Variants in SLC7A11 observed in about 807,000 individuals in gnomAD.
SLC7A11 encodes the protein cystine/glutamate transporter.
SLC7A11 carries 35 observed loss-of-function variants against 54.5 expected under a neutral mutation model. The ratio of observed to expected loss-of-function variants is 0.64; its 90% CI spans 0.49 to 0.85. The LOEUF is 0.85. SLC7A11 is among the 40% of genes least tolerant of loss of function. The pLI, the probability that SLC7A11 is intolerant of heterozygous loss-of-function variation, is 0.00. For synonymous variants in SLC7A11, 230 were observed against 225.2 expected, an observed-to-expected ratio of 1.02 and a Z score of -0.19; for missense variants, 583 against 618.1, an observed-to-expected ratio of 0.94 and a Z score of 0.60.
At chr4:138,179,430 T>C (rs766900261) in intron 10 of SLC7A11, 36 bp from the exon 11 acceptor site, 1 of 1,584,952 alleles carries the variant, frequency 6.3e-7, no homozygotes, top group South Asian at 1.1e-5. Context: ...ACTTCAAACA[T>C]GTTCAAGCAA....
intron 3 of SLC7A11, among the ~76,000 whole-genome samples, chr4:138,223,755 CAAG>C (rs1737874960): frequency 3.3e-5 from 5 of 152,136 alleles, no homozygotes; most frequent in Admixed American, 2.6e-4. Context: ...GGATCACACT[CAAG>C]AAGGAGCAAG....
intron 1 of SLC7A11, among the ~76,000 whole-genome samples, chr4:138,236,983 CTTTT>C (rs34896335): frequency 8.9e-6 from 1 of 111,916 alleles, no homozygotes. Context: ...TGCAAGATTT[CTTTT>C]TTTTTTTTTT....
At chr4:138,176,348 C>T (rs1047814389) in intron 11 of SLC7A11, 2 of 152,044 alleles carry the variant, frequency 1.3e-5, no homozygotes, top group African/African-American at 4.8e-5. Flanking sequence ...TTTTGAGAAC[C>T]AAATAACCAT....
At chr4:138,201,161 G>A (rs900384209) in intron 6 of SLC7A11, among the ~76,000 whole-genome samples, 7 of 152,028 alleles carry the variant, frequency 4.6e-5, no homozygotes, top group African/African-American at 1.4e-4. Flanking sequence ...ATATGGCTAT[G>A]TATTATAAGC....
intron 6 of SLC7A11, among the ~76,000 whole-genome samples, chr4:138,210,480 C>T (rs151292221): frequency 3.9e-5 from 6 of 151,902 alleles, no homozygotes; most frequent in Admixed American, 3.9e-4. Context: ...AAAGACATTA[C>T]TCACAAACTA....
rs374183432 is a variant in SLC7A11, at chr4:138,241,997, G to T, written c.73C>A (p.Pro25Thr). 7.6e-5 allele frequency: 123 copies of T among 1,614,188 alleles called. No homozygotes were observed. The highest frequency in any genetic ancestry group is 3.0e-4 in the South Asian group (27 of 91,084). The change falls in exon 1 of 12, where the codon CCT becomes ACT. Residue 25 changes from proline to threonine, a missense_variant. Coordinates refer to ENST00000280612, the MANE Select transcript of SLC7A11 (RefSeq NM_014331.4). The part of the protein sequence containing the change: ...YLQGNVNGRL[P>T]SLGNKEPPGQ... ...GGTGGCTCCTTGTTGCCCAGGGAAG[G>T]CAGCCTCCCGTTAACATTTCCCTGC...
At chr4:138,223,125 C>T in intron 4 of SLC7A11, 74 bp downstream of exon 4, 1 of 1,370,128 alleles carries the variant, frequency 7.3e-7, no homozygotes, top group African/African-American at 1.4e-5. Context: ...TCTGTTAGTA[C>T]AAGCAAAAGT....
At chr4:138,235,306 T>C (rs1332679340) in intron 2 of SLC7A11, among the ~76,000 whole-genome samples, 3 of 152,002 alleles carry the variant, frequency 2.0e-5, no homozygotes, top group African/African-American at 7.2e-5. Flanking sequence ...AGGAAAAAAA[T>C]ACTTATTATT....
At chr4:138,172,343 T>C (rs908797072) in intron 11 of SLC7A11, among the ~76,000 whole-genome samples, 1 of 152,204 alleles carries the variant, frequency 6.6e-6, no homozygotes, top group African/African-American at 2.4e-5. Flanking sequence ...ATACACTTTA[T>C]ATCAGTTTAA....
At chr4:138,235,187 G>A (rs1394635285) in intron 2 of SLC7A11, among the ~76,000 whole-genome samples, 1 of 151,852 alleles carries the variant, frequency 6.6e-6, no homozygotes, top group Non-Finnish European at 1.5e-5. Flanking sequence ...AGAATAAACA[G>A]GAAATTAATT....
intron 6 of SLC7A11, among the ~76,000 whole-genome samples, chr4:138,213,881 A>C (rs1737616748): frequency 6.6e-6 from 1 of 152,104 alleles, no homozygotes; most frequent in African/African-American, 2.4e-5. Flanking sequence ...TTTAGTCTAC[A>C]TTTTATACTA....
At chr4:138,194,117 GA>G (rs1737075209) in intron 6 of SLC7A11, among the ~76,000 whole-genome samples, 1 of 151,972 alleles carries the variant, frequency 6.6e-6, no homozygotes, top group Non-Finnish European at 1.5e-5. Context: ...GTGGGAAAGA[GA>G]AAAAAACAGA....
intron 6 of SLC7A11, among the ~76,000 whole-genome samples, chr4:138,192,685 A>C (rs985343358): frequency 2.0e-5 from 3 of 152,138 alleles, no homozygotes; most frequent in Admixed American, 2.0e-4. Context: ...TATGATATAA[A>C]ATTATTAAAA....
At chr4:138,235,358 T>C (rs552340592) in intron 2 of SLC7A11, among the ~76,000 whole-genome samples, 6 of 151,888 alleles carry the variant, frequency 4.0e-5, no homozygotes, top group Non-Finnish European at 1.5e-5. Context: ...GTGTTTAAAA[T>C]GAAAAAGCCT....
intron 3 of SLC7A11, among the ~76,000 whole-genome samples, chr4:138,227,564 T>C (rs772868207): frequency 3.3e-5 from 5 of 152,210 alleles, no homozygotes; most frequent in African/African-American, 4.8e-5. Flanking sequence ...GGCTTTATTT[T>C]TCAGATGAGC....
chr4:138,188,892 G>A (rs886412457), intron 6 of SLC7A11, among the ~76,000 whole-genome samples: 1 of 152,140 alleles, frequency 6.6e-6, no homozygotes, highest in Admixed American at 6.6e-5. Flanking sequence ...TGTTTGTTAT[G>A]ACTAACGAAA....
intron 3 of SLC7A11, among the ~76,000 whole-genome samples, chr4:138,223,530 A>T (rs115977474): frequency 1.1e-3 from 170 of 152,326 alleles, no homozygotes; most frequent in African/African-American, 3.3e-3. Flanking sequence ...GTTTTTATGC[A>T]CATTGAAGTT....
intron 6 of SLC7A11, among the ~76,000 whole-genome samples, chr4:138,186,895 G>A (rs1027449467): frequency 6.6e-6 from 1 of 152,128 alleles, no homozygotes; most frequent in South Asian, 2.1e-4. Flanking sequence ...CATATGGGGA[G>A]TAAATTCTTT....
At chr4:138,199,970 A>C (rs1424880900) in intron 6 of SLC7A11, among the ~76,000 whole-genome samples, 1 of 152,096 alleles carries the variant, frequency 6.6e-6, no homozygotes, top group African/African-American at 2.4e-5. Context: ...CATACATTTA[A>C]AACACATTTA....
Sources: allele counts gnomAD v4.1 joint callset (sites outside exome capture counted in the v4.1 genomes callset), GRCh38; gene constraint gnomAD v4.1.1; transcripts MANE v1.5; gene names NCBI Gene and HGNC (gene_info 2026-07-23, HGNC 2026-07-21).